The following RBFOX1 variants were observed in gnomAD, a reference collection of about 807,000 sequenced individuals.
RBFOX1 encodes the protein RNA binding fox-1 homolog 1, also known as RNA binding protein fox-1 homolog 1.
Under a neutral mutation model 57.7 loss-of-function variants are expected in RBFOX1, and 8 were observed. The ratio of observed to expected loss-of-function variants is 0.14; its 90% confidence interval spans 0.08 to 0.25. The LOEUF (loss-of-function observed/expected upper bound fraction) is 0.25. Ranked by LOEUF, RBFOX1 falls within the 10% of genes least tolerant of loss-of-function variation. RBFOX1 has a pLI of 1.00. For missense variants in RBFOX1, 611 were observed against 548.5 expected (o/e 1.11, Z -1.14); for synonymous variants, 326 against 222.4 (o/e 1.47, Z -4.15).
chr16:5,471,511 C>A (rs1034052247), intron 2 of RBFOX1, among the ~76,000 whole-genome samples: 1 of 152,112 alleles, frequency 6.6e-6, no homozygotes, highest in Admixed American at 6.5e-5. Flanking sequence ...AGATGAGACC[C>A]TTCCCAGGTG....
At chr16:6,550,727 A>G (rs575826250) in intron 2 of RBFOX1, among the ~76,000 whole-genome samples, 3 of 152,360 alleles carry the variant, frequency 2.0e-5, no homozygotes, top group African/African-American at 7.2e-5. Context: ...GTTATACTTC[A>G]TAAAATACTT....
chr16:5,901,517 G>A (rs565416883), intron 4 of RBFOX1, among the ~76,000 whole-genome samples: 4 of 152,254 alleles, frequency 2.6e-5, no homozygotes, highest in African/African-American at 9.6e-5. Flanking sequence ...CAATATGGTA[G>A]CCACTCAATG....
At chr16:5,791,408 T>G (rs1396404774) in intron 3 of RBFOX1, among the ~76,000 whole-genome samples, 2 of 152,196 alleles carry the variant, frequency 1.3e-5, no homozygotes, top group African/African-American at 4.8e-5. Context: ...ATGCAATCGC[T>G]TTTTAATTCT....
At chr16:6,397,045 A>G (rs2092867985) in intron 2 of RBFOX1, among the ~76,000 whole-genome samples, 1 of 152,198 alleles carries the variant, frequency 6.6e-6, no homozygotes, top group African/African-American at 2.4e-5. Flanking sequence ...TATTAACAGA[A>G]GACTAGTGAT....
chr16:6,175,483 C>A (rs1040124827), intron 1 of RBFOX1, among the ~76,000 whole-genome samples: 13 of 151,984 alleles, frequency 8.6e-5, no homozygotes, highest in Non-Finnish European at 1.9e-4. Flanking sequence ...TGTGTTTGAC[C>A]ACCCGGTTTT....
chr16:5,369,405 C>A (rs552836634), intron 1 of RBFOX1, among the ~76,000 whole-genome samples: 1 of 152,256 alleles, frequency 6.6e-6, no homozygotes, highest in African/African-American at 2.4e-5. Context: ...GGGACCAGCA[C>A]TGACAGACAT....
intron 1 of RBFOX1, among the ~76,000 whole-genome samples, chr16:5,255,354 C>CCATCCATCCATCCATCCCTCCA (rs1555468931): frequency 1.0e-4 from 9 of 86,254 alleles, no homozygotes; most frequent in Admixed American, 2.6e-4. Flanking sequence ...CCATCCATCC[C>CCATCCATCCATCCATCCCTCCA]TCCATCCATC....
intron 4 of RBFOX1, among the ~76,000 whole-genome samples, chr16:6,001,339 C>G (rs764911480): frequency 9.2e-5 from 14 of 152,120 alleles, no homozygotes; most frequent in Admixed American, 2.0e-4. Flanking sequence ...ACACTAGGAT[C>G]AAGTGTCTTT....
chr16:5,458,011 T>A (rs1223290068), intron 1 of RBFOX1, among the ~76,000 whole-genome samples: 1 of 152,126 alleles, frequency 6.6e-6, no homozygotes, highest in Non-Finnish European at 1.5e-5. Context: ...CCCTCTTTGC[T>A]GTCTTGGGGG....
At chr16:5,628,836 A>C (rs8044746) in intron 3 of RBFOX1, among the ~76,000 whole-genome samples, 25,754 of 152,170 alleles carry the variant, frequency 0.17, 2,421 homozygotes, top group East Asian at 0.29. Context: ...TGTCTGTCCT[A>C]TTCTACATGG....
At chr16:6,886,282 G>A (rs1215467315) in intron 3 of RBFOX1, among the ~76,000 whole-genome samples, 2 of 151,656 alleles carry the variant, frequency 1.3e-5, no homozygotes, top group Non-Finnish European at 2.9e-5. Context: ...GGATAGTCTC[G>A]ATCTCTTGAC....
chr16:6,959,311 G>GT (rs2082470859), intron 3 of RBFOX1, among the ~76,000 whole-genome samples: 1 of 152,050 alleles, frequency 6.6e-6, no homozygotes, highest in South Asian at 2.1e-4. Flanking sequence ...AACTTTTTCT[G>GT]TTTTTAATCT....
intron 2 of RBFOX1, among the ~76,000 whole-genome samples, chr16:6,348,361 T>A (rs1305708961): frequency 6.6e-6 from 1 of 152,136 alleles, no homozygotes; most frequent in Non-Finnish European, 1.5e-5. Context: ...AATGAGATAC[T>A]TCAGTAGAAA....
In RBFOX1 at chr16:6,224,072, G is replaced by T. The variant is rs1036593297; in HGVS notation, c.-126-92923G>T. Among the ~76,000 whole-genome samples, 23 of 152,026 alleles carry T rather than the reference G, an allele frequency of 1.5e-4. No homozygotes were observed. In the East Asian group the frequency reaches 2.9e-3, roughly 19 times the overall value. ...TTCCATTGATCTATATCTCTGTTTTGGTACCAGTACCATGCTGTTTTGGTT... is the reference window on the plus strand; with the variant it reads ...TTCCATTGATCTATATCTCTGTTTTTGTACCAGTACCATGCTGTTTTGGTT... On this transcript the variant is annotated intron_variant, in intron 1 of 15. Transcript: ENST00000550418.
intron 2 of RBFOX1, among the ~76,000 whole-genome samples, chr16:6,594,738 G>C (rs914656863): frequency 2.6e-5 from 4 of 151,956 alleles, no homozygotes; most frequent in African/African-American, 9.7e-5. Flanking sequence ...CTTACTATAT[G>C]GTATGCGTAT....
chr16:5,378,997 C>T (rs914945712), intron 1 of RBFOX1, among the ~76,000 whole-genome samples: 2 of 151,530 alleles, frequency 1.3e-5, no homozygotes, highest in Non-Finnish European at 2.9e-5. Flanking sequence ...TCCTTGGGCT[C>T]AGGACCCCTC....
chr16:6,380,611 C>G (rs1390121228), intron 2 of RBFOX1, among the ~76,000 whole-genome samples: 1 of 151,610 alleles, frequency 6.6e-6, no homozygotes, highest in Non-Finnish European at 1.5e-5. Context: ...AAAGAGCATA[C>G]TTAGGATATG....
chr16:6,931,337 C>CTA (rs1419175284), intron 3 of RBFOX1, among the ~76,000 whole-genome samples: 4,451 of 110,026 alleles, frequency 0.04, 94 homozygotes, highest in African/African-American at 0.061. Context: ...ATCTATCTAT[C>CTA]TCTACACACA....
intron 3 of RBFOX1, among the ~76,000 whole-genome samples, chr16:7,030,203 T>G (rs1015893305): frequency 1.3e-5 from 2 of 152,186 alleles, no homozygotes; most frequent in African/African-American, 4.8e-5. Context: ...TCTAAATGGT[T>G]GGATCATGAT....
Sources: allele counts gnomAD v4.1 joint callset (sites outside exome capture counted in the v4.1 genomes callset), GRCh38; gene constraint gnomAD v4.1.1; transcripts MANE v1.5; gene names NCBI Gene and HGNC (gene_info 2026-07-23, HGNC 2026-07-21).